The following TUBG2 variants were observed in gnomAD, a reference collection of about 807,000 sequenced individuals.
TUBG2 encodes the protein tubulin gamma-2 chain.
Under a neutral mutation model 55.1 loss-of-function variants are expected in TUBG2, and 39 were observed. The ratio of observed to expected loss-of-function variants is 0.71; its 90% CI spans 0.55 to 0.93. TUBG2 has a LOEUF of 0.93. Ranked by LOEUF, TUBG2 falls within the 40% of genes least tolerant of loss-of-function variation. The pLI, the probability that TUBG2 is intolerant of heterozygous loss-of-function variation, is 0.00. For synonymous variants in TUBG2, 223 were observed against 241.0 expected, an observed-to-expected ratio of 0.93 and a Z score of 0.69; for missense variants, 358 against 599.1, an observed-to-expected ratio of 0.60 and a Z score of 4.20.
intron 6 of TUBG2, 102 bp from the exon 7 acceptor site, chr17:42,665,374 A>T (rs1597778472): frequency 1.9e-6 from 3 of 1,579,490 alleles, no homozygotes. Flanking sequence ...TAAACTAACA[A>T]ACCTACTTCC....
Position 42,666,910 on chromosome 17 carries a change from C to A in TUBG2, c.*110C>A. On this transcript the variant is annotated 3_prime_UTR_variant, in exon 11 of 11. Transcript: ENST00000251412. Reference sequence around the variant, plus strand: ...TGGACAACCCTTCTTGGTTCATCTCCAGCCCGTGAGCTGGTCCTGCTTCCT... The same window carrying A: ...TGGACAACCCTTCTTGGTTCATCTCAAGCCCGTGAGCTGGTCCTGCTTCCT... 8.4e-7 allele frequency: 1 copy of A among 1,189,718 alleles called. No individual in the cohort carries two copies. The highest frequency in any genetic ancestry group is 1.2e-6 in the Non-Finnish European group (1 of 833,446). 73.7% of individuals were successfully genotyped at this position (1,189,718 alleles called of 1,614,324 possible).
At chr17:42,662,760 A>T (rs1597772966) in intron 4 of TUBG2, among the ~76,000 whole-genome samples, 1 of 152,348 alleles carries the variant, frequency 6.6e-6, no homozygotes, top group Non-Finnish European at 1.5e-5. Flanking sequence ...CCCATCATAA[A>T]GCCAAAACAT....
intron 4 of TUBG2, among the ~76,000 whole-genome samples, 186 bp from the exon 5 acceptor site, chr17:42,662,787 C>G (rs1270186944): frequency 1.3e-5 from 2 of 152,086 alleles, no homozygotes; most frequent in African/African-American, 4.8e-5. Flanking sequence ...TTAAACCATC[C>G]TAAGTCAGGG....
At chr17:42,659,609 C>A in intron 1 of TUBG2, 57 bp downstream of exon 1, 1 of 1,512,050 alleles carries the variant, frequency 6.6e-7, no homozygotes, top group Non-Finnish European at 8.9e-7. Context: ...CGGGTCCCAC[C>A]CAAGTGCCTG....
At chr17:42,663,930 G>A (rs199872193) in intron 6 of TUBG2, among the ~76,000 whole-genome samples, 11 of 134,432 alleles carry the variant, frequency 8.2e-5, no homozygotes, top group Non-Finnish European at 1.5e-4. Context: ...GTGACAGAGC[G>A]AGACTCTGTC....
At chr17:42,662,650 G>T (rs573384800) in intron 4 of TUBG2, among the ~76,000 whole-genome samples, 18 of 152,106 alleles carry the variant, frequency 1.2e-4, no homozygotes, top group African/African-American at 4.3e-4. Flanking sequence ...AATGCATCAG[G>T]TTATAACCCA....
In TUBG2 at chr17:42,666,403, C is replaced by A; in HGVS notation, c.1077C>A (p.Ala359=). 6.2e-7 allele frequency: 1 copy of A among 1,614,198 alleles called. No homozygotes were observed. Among genetic ancestry groups the A allele is most frequent in the Non-Finnish European group, 8.5e-7 (1 of 1,180,010 alleles). Residue 359 remains alanine, a synonymous_variant, in exon 10 of 11, where the codon GCC becomes GCA. Coordinates refer to ENST00000251412, the MANE Select transcript of TUBG2 (RefSeq NM_016437.3). ...GGGGCCCCGCCAGCATCCAGGTGGCCCTGTCGAGGAAGTCTCCCTACCTGC... is the reference window on the plus strand; with the variant it reads ...GGGGCCCCGCCAGCATCCAGGTGGCACTGTCGAGGAAGTCTCCCTACCTGC... ...IPWGPASIQV[A]LSRKSPYLPS... is the part of the protein sequence containing the mutation.
intron 6 of TUBG2, 95 bp from the exon 7 acceptor site, chr17:42,665,381 T>A: frequency 6.3e-7 from 1 of 1,589,768 alleles, no homozygotes; most frequent in Non-Finnish European, 8.6e-7. Flanking sequence ...ACAAACCTAC[T>A]TCCTGGCTTT....
Position 42,661,858 on chromosome 17 carries a change from A to C in TUBG2, c.400-1115A>C, listed in dbSNP as rs1266962482. Among the ~76,000 whole-genome samples the C allele has an allele frequency of 2.0e-5, 3 of 152,354 alleles. No individual in the cohort carries two copies. The East Asian group carries it at 5.8e-4, about 29-fold the overall frequency. On this transcript the variant is annotated intron_variant, in intron 4 of 10. Coordinates refer to ENST00000251412, the MANE Select transcript of TUBG2 (RefSeq NM_016437.3). ...CCTCGATTTATAGCTGGTTGGTCAGAGGCACAGATAAAACAACCTGAAGCT... is the reference window on the plus strand; with the variant it reads ...CCTCGATTTATAGCTGGTTGGTCAGCGGCACAGATAAAACAACCTGAAGCT...
At chr17:42,664,862 A>ATATAAG (rs1555635442) in intron 6 of TUBG2, among the ~76,000 whole-genome samples, 1 of 144,844 alleles carries the variant, frequency 6.9e-6, no homozygotes, top group African/African-American at 2.5e-5. Context: ...TTATATATAT[A>ATATAAG]TATATATATT....
chr17:42,659,420 C>T lies in TUBG2; in HGVS notation c.-84C>T, dbSNP rs2052328286. ...AGGCGAAGAGAGCGCGCGCTCCCCACGTCCTGCGCTCCTGGCTGCCGGGCA... is the reference window on the plus strand; with the variant it reads ...AGGCGAAGAGAGCGCGCGCTCCCCATGTCCTGCGCTCCTGGCTGCCGGGCA... On this transcript the variant is annotated 5_prime_UTR_variant, in exon 1 of 11. In the 5' UTR this introduces an upstream ATG that the reference lacks. Coordinates refer to ENST00000251412, the MANE Select transcript of TUBG2 (RefSeq NM_016437.3). 3 of 1,419,310 alleles carry T rather than the reference C, an allele frequency of 2.1e-6. No homozygotes were observed. The highest frequency in any genetic ancestry group is 1.9e-6 in the Non-Finnish European group (2 of 1,052,094). 87.9% of individuals were successfully genotyped at this position (1,419,310 alleles called of 1,614,324 possible). A position where few individuals can be genotyped will look rare whatever the true frequency, so the allele number is the denominator to read the frequency against.
Position 42,666,908 on chromosome 17 carries a change from T to G in TUBG2, c.*108T>G. ...CATGGACAACCCTTCTTGGTTCATC[T>G]CCAGCCCGTGAGCTGGTCCTGCTTC... On this transcript the variant is annotated 3_prime_UTR_variant, in exon 11 of 11. Transcript: ENST00000251412. 1 of 1,213,538 alleles carries G rather than the reference T, an allele frequency of 8.2e-7. No individual in the cohort carries two copies. The highest frequency in any genetic ancestry group is 1.4e-5 in the South Asian group (1 of 71,154). 75.2% of individuals were successfully genotyped at this position (1,213,538 alleles called of 1,614,324 possible).
intron 6 of TUBG2, among the ~76,000 whole-genome samples, chr17:42,665,237 C>A (rs902858654): frequency 5.3e-5 from 8 of 151,838 alleles, no homozygotes; most frequent in Non-Finnish European, 1.0e-4. Context: ...TTAGTAGAGA[C>A]GGGGTTTCAC....
chr17:42,663,046 A>G lies in TUBG2; in HGVS notation c.473A>G (p.Asn158Ser). The G allele has an allele frequency of 1.2e-6, 2 of 1,614,038 alleles. No individual in the cohort carries two copies. Among genetic ancestry groups the G allele is most frequent in the East Asian group, 2.2e-5 (1 of 44,874 alleles). The stretch of plus-strand genomic sequence containing the variant: ...GGCTCCTACCTCCTGGAGCGACTGA[A>G]TGACAGGCAAGCCTGTGTTTGGGGA... ...GLGSYLLERL[N>S]DRYPKKLVQT... is the part of the protein sequence containing the mutation. Residue 158 changes from asparagine to serine, a missense_variant, in exon 5 of 11, where the codon AAT becomes AGT. Asn to Ser is a conservative substitution (Grantham distance 46, BLOSUM62 1). Transcript: ENST00000251412.
rs1476560790 is a variant in TUBG2, at chr17:42,659,331, C to T, written c.-173C>T. The T allele has an allele frequency of 1.6e-6, 1 of 610,626 alleles. No individual in the cohort carries two copies. Among genetic ancestry groups the T allele is most frequent in the South Asian group, 2.4e-5 (1 of 42,306 alleles). 37.8% of individuals were successfully genotyped at this position (610,626 alleles called of 1,614,324 possible). A position where few individuals can be genotyped will look rare whatever the true frequency, so the allele number is the denominator to read the frequency against. On this transcript the variant is annotated 5_prime_UTR_variant, in exon 1 of 11. Transcript: ENST00000251412. ...GAGAAAATGATGCCCAGGTTGGGCT[C>T]CCCGGCCCACCGGCCGAGGAGAGGC...
At position 42,665,466 on chromosome 17, in the gene TUBG2, G is replaced by T. The variant is rs2052505197; in HGVS notation, c.607-10G>T. ...CCTCAAGATGCTGTGATGCTCTTCT[G>T]TCCCCCCAGGTGGTGCTGGACAACA... On this transcript the variant is annotated splice_polypyrimidine_tract_variant and intron_variant, in intron 6 of 10. Transcript: ENST00000251412. 6.2e-7 allele frequency: 1 copy of T among 1,613,810 alleles called. No individual in the cohort carries two copies. The highest frequency in any genetic ancestry group is 1.3e-5 in the African/African-American group (1 of 74,806).
At chr17:42,663,271 C>T in intron 5 of TUBG2, 106 bp from the exon 6 acceptor site, 3 of 1,526,002 alleles carry the variant, frequency 2.0e-6, no homozygotes, top group Admixed American at 3.9e-5. Flanking sequence ...CTTTTTGGCT[C>T]TGAAGACTCA....
At chr17:42,661,102 T>G (rs2052373030) in intron 4 of TUBG2, 1 of 216,672 alleles carries the variant, frequency 4.6e-6, no homozygotes, top group African/African-American at 2.2e-5. Context: ...TGTTCCTGGC[T>G]TACAGCTCTT....
At chr17:42,665,172 G>A (rs1474166847) in intron 6 of TUBG2, among the ~76,000 whole-genome samples, 3 of 151,840 alleles carry the variant, frequency 2.0e-5, no homozygotes, top group Admixed American at 6.6e-5. Flanking sequence ...CTCAGCCTCC[G>A]AATTAGCTGG....
Sources: gnomAD v4.1 joint callset for allele counts (sites outside exome capture counted in the v4.1 genomes callset) on GRCh38, gnomAD v4.1.1 for gene constraint, MANE v1.5 for transcripts, NCBI Gene and HGNC (gene_info 2026-07-23, HGNC 2026-07-21) for gene names.